The following MARCHF1 variants were observed in gnomAD, a reference collection of about 807,000 sequenced individuals.
The protein encoded by MARCHF1 is membrane associated ring-CH-type finger 1.
A neutral mutation model predicts 54.2 loss-of-function variants in MARCHF1; 40 were observed. That is an observed-to-expected ratio of 0.74 (90% CI 0.57 to 0.96). The LOEUF is 0.96. Among genes scored for constraint, MARCHF1 ranks in the 40% least tolerant of loss-of-function variants. The pLI, the probability that MARCHF1 is intolerant of heterozygous loss-of-function variation, is 0.00. For synonymous variants in MARCHF1, 236 were observed against 236.3 expected, an observed-to-expected ratio of 1.00 and a Z score of 0.01; for missense variants, 586 against 656.5, an observed-to-expected ratio of 0.89 and a Z score of 1.17.
At chr4:164,240,729 C>T (rs1239566164) in intron 1 of MARCHF1, among the ~76,000 whole-genome samples, 2 of 152,074 alleles carry the variant, frequency 1.3e-5, no homozygotes, top group Non-Finnish European at 2.9e-5. Context: ...ATGGGACAAA[C>T]TGACTATGGG....
At chr4:163,887,567 T>C (rs1750566525) in intron 3 of MARCHF1, among the ~76,000 whole-genome samples, 2 of 152,188 alleles carry the variant, frequency 1.3e-5, no homozygotes, top group Non-Finnish European at 2.9e-5. Flanking sequence ...TTTAACAAGA[T>C]GCCCAAGTGA....
At chr4:163,725,149 C>T (rs1351453991) in intron 4 of MARCHF1, among the ~76,000 whole-genome samples, 1 of 152,142 alleles carries the variant, frequency 6.6e-6, no homozygotes, top group African/African-American at 2.4e-5. Context: ...CTTGGAACTA[C>T]CCCATATATA....
At chr4:163,576,720 G>C (rs1252552676) in intron 8 of MARCHF1, among the ~76,000 whole-genome samples, 2 of 151,824 alleles carry the variant, frequency 1.3e-5, no homozygotes, top group African/African-American at 4.8e-5. Flanking sequence ...TATGAATCTG[G>C]GTGCTTCAAT....
At position 164,272,219 on chromosome 4, in the gene MARCHF1, G is replaced by C. The variant is rs559335973; in HGVS notation, c.-323+111651C>G. Among the ~76,000 whole-genome samples the C allele has an allele frequency of 1.8e-4, 28 of 151,898 alleles. No individual in the cohort carries two copies. In the East Asian group the frequency reaches 4.6e-3, roughly 25 times the overall value. ...CTACTTTATAGAATATTACATTATAGAATAAAGTTGTGAGTATGTATATGC... is the reference window on the plus strand; with the variant it reads ...CTACTTTATAGAATATTACATTATACAATAAAGTTGTGAGTATGTATATGC... On this transcript the variant is annotated intron_variant, in intron 1 of 9. Coordinates refer to ENST00000514618, the MANE Select transcript of MARCHF1 (RefSeq NM_001394959.1).
In MARCHF1 at chr4:163,528,654, G is replaced by T; in HGVS notation, c.*94C>A. On this transcript the variant is annotated 3_prime_UTR_variant, in exon 10 of 10. Transcript: ENST00000514618. ...GTGTCAGTAGGAGAAAGGAGGAGCTGAAGGGAGTAAATAATTCAAGATCAC... is the reference window on the plus strand; with the variant it reads ...GTGTCAGTAGGAGAAAGGAGGAGCTTAAGGGAGTAAATAATTCAAGATCAC... 7.8e-7 allele frequency: 1 copy of T among 1,289,608 alleles called. No individual in the cohort carries two copies. Among genetic ancestry groups the T allele is most frequent in the Non-Finnish European group, 1.1e-6 (1 of 932,940 alleles). 79.9% of individuals were successfully genotyped at this position (1,289,608 alleles called of 1,614,324 possible).
At chr4:164,225,412 C>T (rs566659680) in intron 1 of MARCHF1, among the ~76,000 whole-genome samples, 9 of 152,146 alleles carry the variant, frequency 5.9e-5, no homozygotes, top group African/African-American at 1.9e-4. Flanking sequence ...TGTGACAAGA[C>T]TGCTGTCTTC....
intron 2 of MARCHF1, among the ~76,000 whole-genome samples, chr4:164,061,043 T>C (rs1343268913): frequency 6.6e-6 from 1 of 152,176 alleles, no homozygotes; most frequent in Non-Finnish European, 1.5e-5. Context: ...ACCTATCATT[T>C]TGCTCTTTTT....
chr4:164,242,542 A>G (rs1444005102), intron 1 of MARCHF1, among the ~76,000 whole-genome samples: 1 of 151,760 alleles, frequency 6.6e-6, no homozygotes, highest in East Asian at 1.9e-4. Context: ...ACAGAACAGA[A>G]AAACTGGAAA....
chr4:163,830,187 A>G (rs905985560), intron 4 of MARCHF1, among the ~76,000 whole-genome samples: 2 of 152,034 alleles, frequency 1.3e-5, no homozygotes, highest in African/African-American at 2.4e-5. Context: ...ATCAAACAAC[A>G]CCTAGTATAC....
intron 3 of MARCHF1, among the ~76,000 whole-genome samples, chr4:163,926,856 A>G (rs1024129994): frequency 5.3e-5 from 8 of 151,666 alleles, no homozygotes; most frequent in African/African-American, 1.9e-4. Context: ...CCCAAGGAAC[A>G]TAGTCAACTT....
intron 8 of MARCHF1, among the ~76,000 whole-genome samples, chr4:163,566,478 G>A (rs1175292772): frequency 1.3e-5 from 2 of 152,232 alleles, no homozygotes; most frequent in Non-Finnish European, 2.9e-5. Context: ...AACCTGTGCA[G>A]GGCCAAGGTA....
chr4:164,179,121 G>T (rs566909944), intron 1 of MARCHF1, among the ~76,000 whole-genome samples: 1 of 152,236 alleles, frequency 6.6e-6, no homozygotes, highest in East Asian at 1.9e-4. Context: ...TCTATAAGTG[G>T]TTTATCAATG....
At chr4:164,092,486 G>A (rs1313604702) in intron 2 of MARCHF1, among the ~76,000 whole-genome samples, 6 of 152,090 alleles carry the variant, frequency 3.9e-5, no homozygotes, top group Admixed American at 3.9e-4. Flanking sequence ...AAGTTCAACG[G>A]GATGTGATAT....
At chr4:164,042,313 T>A (rs1481831035) in intron 2 of MARCHF1, among the ~76,000 whole-genome samples, 2 of 152,160 alleles carry the variant, frequency 1.3e-5, no homozygotes, top group Non-Finnish European at 2.9e-5. Flanking sequence ...GAGGTTTAAC[T>A]GACTCACAGT....
chr4:163,781,696 C>G (rs112960533), intron 4 of MARCHF1, among the ~76,000 whole-genome samples: 3,079 of 152,206 alleles, frequency 0.02, 89 homozygotes, highest in African/African-American at 0.07. Context: ...TCCTGCAGAT[C>G]ATTTTGTAAA....
At chr4:164,150,759 A>T (rs2110906326) in intron 1 of MARCHF1, among the ~76,000 whole-genome samples, 1 of 152,368 alleles carries the variant, frequency 6.6e-6, no homozygotes, top group South Asian at 2.1e-4. Flanking sequence ...CATAAAGAAA[A>T]TATATCTGTA....
At chr4:163,956,322 T>C (rs1752232351) in intron 3 of MARCHF1, among the ~76,000 whole-genome samples, 1 of 152,132 alleles carries the variant, frequency 6.6e-6, no homozygotes, top group South Asian at 2.1e-4. Context: ...TGTTCAAAAA[T>C]ACTTCTTGAA....
intron 4 of MARCHF1, among the ~76,000 whole-genome samples, chr4:163,804,420 G>T (rs1372370974): frequency 6.6e-6 from 1 of 152,106 alleles, no homozygotes; most frequent in East Asian, 1.9e-4. Context: ...AAAGACTCCT[G>T]GGCTGGGGAC....
chr4:163,691,816 C>T (rs762509116), intron 5 of MARCHF1, among the ~76,000 whole-genome samples: 11 of 152,170 alleles, frequency 7.2e-5, no homozygotes, highest in Non-Finnish European at 1.5e-4. Flanking sequence ...ATGTTTACTA[C>T]AGGCCAGTGC....
Sources: allele counts gnomAD v4.1 joint callset (sites outside exome capture counted in the v4.1 genomes callset), GRCh38; gene constraint gnomAD v4.1.1; transcripts MANE v1.5; gene names NCBI Gene and HGNC (gene_info 2026-07-23, HGNC 2026-07-21).